CAPN9: variants seen among roughly 807,000 people sequenced by gnomAD.
The protein encoded by CAPN9 is calpain-9.
CAPN9 carries 81 observed loss-of-function variants against 92.8 expected under a neutral mutation model. The ratio of observed to expected loss-of-function variants is 0.87; its 90% confidence interval spans 0.73 to 1.05. CAPN9 has a LOEUF of 1.05. Ranked by LOEUF, CAPN9 falls within the 50% of genes least tolerant of loss-of-function variation. CAPN9 has a pLI of 0.00. For missense variants in CAPN9, 848 were observed against 866.2 expected, an observed-to-expected ratio of 0.98 and a Z score of 0.26; for synonymous variants, 304 against 328.0, an observed-to-expected ratio of 0.93 and a Z score of 0.79.
At chr1:230,789,245 G>GA (rs28359701) in intron 13 of CAPN9, among the ~76,000 whole-genome samples, 16 of 151,416 alleles carry the variant, frequency 1.1e-4, no homozygotes, top group Middle Eastern at 3.4e-3. Flanking sequence ...GGCATCCTGG[G>GA]AAAAAAAACA....
At chr1:230,793,023 G>C (rs1668115684) in intron 17 of CAPN9, 95 bp downstream of exon 17, 1 of 936,538 alleles carries the variant, frequency 1.1e-6, no homozygotes, top group African/African-American at 1.6e-5. Context: ...CTGCTGCCCA[G>C]GAGGTGGGCC....
intron 1 of CAPN9, among the ~76,000 whole-genome samples, chr1:230,749,404 C>T (rs1002376387): frequency 6.6e-6 from 1 of 152,244 alleles, no homozygotes; most frequent in African/African-American, 2.4e-5. Flanking sequence ...GCACCGCCCA[C>T]GACCATTAGG....
chr1:230,772,063 G>C lies in CAPN9; in HGVS notation c.839G>C (p.Trp280Ser). The part of the protein sequence containing the change: ...RIELIRIRNP[W>S]GQVEWNGSWS... ...GAGCTCATCCGAATCCGGAACCCTTGGGGCCAGGTTGAGTGGAACGGGTCG... is the reference window on the plus strand; with the variant it reads ...GAGCTCATCCGAATCCGGAACCCTTCGGGCCAGGTTGAGTGGAACGGGTCG... The change falls in exon 7 of 20, where the codon TGG becomes TCG. Residue 280 changes from tryptophan (W) to serine (S), a missense_variant. By Grantham distance (177) the Trp-to-Ser change is radical. Coordinates refer to ENST00000271971, the MANE Select transcript of CAPN9 (RefSeq NM_006615.3). 1 of 1,614,208 alleles carries C rather than the reference G, an allele frequency of 6.2e-7. No individual in the cohort carries two copies. The highest frequency in any genetic ancestry group is 8.5e-7 in the Non-Finnish European group (1 of 1,180,028).
At chr1:230,770,580 C>T (rs767410086) in intron 6 of CAPN9, among the ~76,000 whole-genome samples, 17 of 152,168 alleles carry the variant, frequency 1.1e-4, no homozygotes, top group Non-Finnish European at 2.2e-4. Context: ...TCCTGGGGGA[C>T]ACCCAGACTC....
At chr1:230,797,831 T>C (rs1319548007) in intron 18 of CAPN9, among the ~76,000 whole-genome samples, 4 of 152,196 alleles carry the variant, frequency 2.6e-5, no homozygotes, top group Non-Finnish European at 4.4e-5. Context: ...GTGTGCTTTT[T>C]TTCTGGGGCC....
At position 230,774,723 on chromosome 1, in the gene CAPN9, T is replaced by TTTTCTTTC. The variant is rs571764757; in HGVS notation, c.953+104_953+111dup. 1.7e-3 allele frequency: 1,316 copies of TTTTCTTTC among 752,334 alleles called. 20 individuals are homozygous for TTTTCTTTC. In the African/African-American group the frequency reaches 0.023, roughly 13 times the overall value. The allele number at this position is 752,334 out of a possible 1,614,324, so 46.6% of individuals were successfully genotyped here. The stretch of plus-strand genomic sequence containing the variant: ...CACTGTGCTTCTCTCTCGCTTTCCT[T>TTTTCTTTC]TTTCTTTCTTTCTTTCTTTTTTTTT... On this transcript the variant is annotated intron_variant, in intron 8 of 19. Transcript: ENST00000271971.
At chr1:230,792,395 G>T in intron 15 of CAPN9, 31 bp from the exon 16 acceptor site, 6 of 1,600,148 alleles carry the variant, frequency 3.7e-6, no homozygotes, top group Non-Finnish European at 5.1e-6. Context: ...TTGAAACACT[G>T]CTCATGTCTC....
At chr1:230,769,984 G>A (rs376884752) in intron 6 of CAPN9, among the ~76,000 whole-genome samples, 12 of 151,978 alleles carry the variant, frequency 7.9e-5, no homozygotes, top group East Asian at 3.8e-4. Context: ...TTACGTTATC[G>A]ATAAGACTTC....
intron 2 of CAPN9, among the ~76,000 whole-genome samples, chr1:230,757,890 C>A (rs1057380904): frequency 6.6e-6 from 1 of 151,908 alleles, no homozygotes; most frequent in Non-Finnish European, 1.5e-5. Context: ...CCTGAGAACC[C>A]AAGAGGCACA....
intron 1 of CAPN9, among the ~76,000 whole-genome samples, 189 bp from the exon 2 acceptor site, chr1:230,755,148 A>G (rs745608067): frequency 1.3e-5 from 2 of 152,162 alleles, no homozygotes; most frequent in Non-Finnish European, 2.9e-5. Flanking sequence ...TTTACCAAAG[A>G]TGAGCCCAGC....
At chr1:230,773,788 C>G (rs1319862461) in intron 7 of CAPN9, among the ~76,000 whole-genome samples, 1 of 152,206 alleles carries the variant, frequency 6.6e-6, no homozygotes, top group Non-Finnish European at 1.5e-5. Flanking sequence ...CCTGAGCACT[C>G]CCCTGAGGTT....
At position 230,759,077 on chromosome 1, in the gene CAPN9, A is replaced by T. The variant is rs4255392; in HGVS notation, c.284-435A>T. 7.2e-5 allele frequency among the ~76,000 whole-genome samples: 11 copies of T among 152,338 alleles called. No homozygotes were observed. In the South Asian group the frequency reaches 2.3e-3, roughly 32 times the overall value. ...GATACCATTATCTGTAATTAAGCTG[A>T]GTCTGGGTTGGGGCTGCAGGGAGAT... On this transcript the variant is annotated intron_variant, in intron 2 of 19. Coordinates refer to ENST00000271971, the MANE Select transcript of CAPN9 (RefSeq NM_006615.3).
chr1:230,787,324 T>C (rs1667665713), intron 12 of CAPN9, among the ~76,000 whole-genome samples, 198 bp from the exon 13 acceptor site: 1 of 152,124 alleles, frequency 6.6e-6, no homozygotes, highest in Non-Finnish European at 1.5e-5. Context: ...GTCCAGCTAA[T>C]AAAGTCCTTC....
At position 230,759,492 on chromosome 1, in the gene CAPN9, T is replaced by C. The variant is rs1197053119; in HGVS notation, c.284-20T>C. On this transcript the variant is annotated intron_variant, in intron 2 of 19. Coordinates refer to ENST00000271971, the MANE Select transcript of CAPN9 (RefSeq NM_006615.3). ...GTGAAATAGCAATGAAAATTGTGAT[T>C]TATGGCTTCCATTTTGCAGGAGACT... is the stretch of plus-strand genomic sequence containing the variant. The C allele has an allele frequency of 6.4e-7, 1 of 1,556,182 alleles. No homozygotes were observed. The highest frequency in any genetic ancestry group is 1.4e-5 in the African/African-American group (1 of 72,940).
chr1:230,778,939 C>T, intron 8 of CAPN9, 34 bp from the exon 9 acceptor site: 1 of 1,589,388 alleles, frequency 6.3e-7, no homozygotes. Flanking sequence ...CACTCTTGCC[C>T]TCCTGTGCAT....
At position 230,792,815 on chromosome 1, in the gene CAPN9, G is replaced by A. The variant is rs112823396; in HGVS notation, c.1792-35G>A. 3.3e-4 allele frequency: 519 copies of A among 1,579,692 alleles called. 4 individuals carry two copies. The African/African-American group carries it at 5.7e-3, about 17-fold the overall frequency. On this transcript the variant is annotated intron_variant, in intron 16 of 19. Coordinates refer to ENST00000271971, the MANE Select transcript of CAPN9 (RefSeq NM_006615.3). Reference sequence around the variant, plus strand: ...GCCATCAGCGATGCCTTTCAGGCACGCTCCTTCTCAAGGCTTCTGCTCTCC... The same window carrying A: ...GCCATCAGCGATGCCTTTCAGGCACACTCCTTCTCAAGGCTTCTGCTCTCC...
At chr1:230,772,467 T>TTGTG (rs1553259973) in intron 7 of CAPN9, among the ~76,000 whole-genome samples, 1 of 151,530 alleles carries the variant, frequency 6.6e-6, no homozygotes, top group Non-Finnish European at 1.5e-5. Context: ...GCGTGTGTGT[T>TTGTG]TGTGTGTGTG....
chr1:230,784,295 T>A (rs1667429417), intron 11 of CAPN9, among the ~76,000 whole-genome samples: 1 of 152,212 alleles, frequency 6.6e-6, no homozygotes. Context: ...AGCAACCACT[T>A]GCTAGAGATA....
At chr1:230,751,574 G>GA (rs1460643276) in intron 1 of CAPN9, among the ~76,000 whole-genome samples, 1 of 82,562 alleles carries the variant, frequency 1.2e-5, no homozygotes, top group African/African-American at 5.6e-5. Context: ...AAGAAAGAAA[G>GA]AAGAAAGAAA....
Sources: gnomAD v4.1 joint callset for allele counts (sites outside exome capture counted in the v4.1 genomes callset) on GRCh38, gnomAD v4.1.1 for gene constraint, MANE v1.5 for transcripts, NCBI Gene and HGNC (gene_info 2026-07-23, HGNC 2026-07-21) for gene names.